The following GALNT17 variants were observed in gnomAD, a reference collection of about 807,000 sequenced individuals.
The protein encoded by GALNT17 is UDP-GalNAc:polypeptide N-acetylgalactosaminyltransferase-like 3.
In GALNT17, 29 loss-of-function variants were observed where a neutral mutation model predicts 63.7. That is an observed-to-expected ratio of 0.46 (90% CI 0.34 to 0.62). The LOEUF is 0.62. Among genes scored for constraint, GALNT17 ranks in the 20% least tolerant of loss-of-function variants. The pLI, the probability that GALNT17 is intolerant of heterozygous loss-of-function variation, is 0.01. For missense variants in GALNT17, 603 were observed against 799.6 expected (o/e 0.75, Z 2.97); for synonymous variants, 305 against 318.3 (o/e 0.96, Z 0.45).
At chr7:71,411,488 G>A (rs543103320) in intron 3 of GALNT17, among the ~76,000 whole-genome samples, 21 of 152,254 alleles carry the variant, frequency 1.4e-4, no homozygotes, top group Non-Finnish European at 2.8e-4. Context: ...TGGGGGCCTT[G>A]TTTTACTTGG....
At chr7:71,162,510 A>G (rs1788368105) in intron 1 of GALNT17, among the ~76,000 whole-genome samples, 1 of 152,134 alleles carries the variant, frequency 6.6e-6, no homozygotes, top group East Asian at 1.9e-4. Context: ...TCCTTGCTCA[A>G]CAATTATTAA....
Position 71,677,196 on chromosome 7 carries a change from T to C in GALNT17, c.1405-15T>C, listed in dbSNP as rs368323632. The stretch of plus-strand genomic sequence containing the variant: ...AGCTGAGCTCTCATGGGTCGTGTTT[T>C]GTCTATTCTTGCAGCTTCGCAACAA... On this transcript the variant is annotated splice_polypyrimidine_tract_variant and intron_variant, in intron 8 of 10. Coordinates refer to ENST00000333538, the MANE Select transcript of GALNT17 (RefSeq NM_022479.3). 1.9e-5 allele frequency: 31 copies of C among 1,613,594 alleles called. No homozygotes were observed. The highest frequency in any genetic ancestry group is 2.6e-5 in the Non-Finnish European group (31 of 1,179,740).
intron 1 of GALNT17, among the ~76,000 whole-genome samples, chr7:71,188,397 T>C (rs1788892074): frequency 6.6e-6 from 1 of 152,210 alleles, no homozygotes; most frequent in African/African-American, 2.4e-5. Flanking sequence ...TCTATTATTT[T>C]GTTACTTTTT....
chr7:71,138,619 A>G (rs1585830972), intron 1 of GALNT17, among the ~76,000 whole-genome samples: 1 of 152,234 alleles, frequency 6.6e-6, no homozygotes, highest in African/African-American at 2.4e-5. Flanking sequence ...TATACAGGAT[A>G]CAATACCATG....
chr7:71,249,136 C>T (rs1790152558), intron 1 of GALNT17, among the ~76,000 whole-genome samples: 1 of 152,186 alleles, frequency 6.6e-6, no homozygotes, highest in Non-Finnish European at 1.5e-5. Context: ...GAGCAAAACT[C>T]ACAGCCAATA....
At chr7:71,233,773 A>G (rs1016772968) in intron 1 of GALNT17, among the ~76,000 whole-genome samples, 1 of 152,110 alleles carries the variant, frequency 6.6e-6, no homozygotes, top group African/African-American at 2.4e-5. Flanking sequence ...CCATTCTCAC[A>G]TTGCTGTAAA....
At chr7:71,174,810 C>T (rs971170646) in intron 1 of GALNT17, among the ~76,000 whole-genome samples, 2 of 152,118 alleles carry the variant, frequency 1.3e-5, no homozygotes, top group African/African-American at 4.8e-5. Flanking sequence ...TTGCTTCAGG[C>T]GATCTGGATG....
intron 2 of GALNT17, among the ~76,000 whole-genome samples, chr7:71,361,449 C>T (rs964255141): frequency 7.9e-5 from 12 of 152,168 alleles, no homozygotes; most frequent in African/African-American, 2.7e-4. Flanking sequence ...ATATTCCTCT[C>T]TGTTCTTTCT....
At chr7:71,436,999 A>G (rs904776900) in intron 5 of GALNT17, among the ~76,000 whole-genome samples, 3 of 152,320 alleles carry the variant, frequency 2.0e-5, no homozygotes, top group East Asian at 3.9e-4. Context: ...AGATGTGTGA[A>G]GAGTCAGCAG....
At chr7:71,339,046 G>A (rs2116112983) in intron 2 of GALNT17, among the ~76,000 whole-genome samples, 1 of 152,210 alleles carries the variant, frequency 6.6e-6, no homozygotes, top group Admixed American at 6.5e-5. Context: ...TCTCTCATTA[G>A]CCTTTCTTAT....
intron 3 of GALNT17, among the ~76,000 whole-genome samples, chr7:71,408,543 C>T (rs1022865980): frequency 6.6e-6 from 1 of 152,082 alleles, no homozygotes; most frequent in Non-Finnish European, 1.5e-5. Flanking sequence ...TGAGATTGCC[C>T]CACGCAGAGG....
intron 1 of GALNT17, among the ~76,000 whole-genome samples, chr7:71,201,626 G>GT (rs35370760): frequency 0.35 from 48,477 of 140,058 alleles, 9,946 homozygotes; most frequent in African/African-American, 0.6. Context: ...TACTTTGCCA[G>GT]TTTTTTTTTT....
chr7:71,513,351 A>G (rs1295552897), intron 5 of GALNT17, among the ~76,000 whole-genome samples: 2 of 151,842 alleles, frequency 1.3e-5, no homozygotes, highest in East Asian at 3.9e-4. Flanking sequence ...CTCATGGCCA[A>G]TCTTCCCTTG....
intron 2 of GALNT17, 37 bp downstream of exon 2, chr7:71,335,770 G>A (rs1201076721): frequency 1.9e-6 from 3 of 1,546,068 alleles, no homozygotes; most frequent in Non-Finnish European, 2.6e-6. Context: ...AGCTTGATGG[G>A]TCGTCAGAGT....
intron 5 of GALNT17, among the ~76,000 whole-genome samples, chr7:71,505,176 G>A (rs529671442): frequency 2.6e-5 from 4 of 152,002 alleles, no homozygotes; most frequent in Non-Finnish European, 4.4e-5. Flanking sequence ...CTTCCACCTC[G>A]TGGCCTTCCT....
chr7:71,148,386 GAA>G (rs1788063277), intron 1 of GALNT17, among the ~76,000 whole-genome samples: 1 of 152,168 alleles, frequency 6.6e-6, no homozygotes, highest in Admixed American at 6.5e-5. Context: ...ACTCAGGAAA[GAA>G]AATGTTTTCC....
intron 2 of GALNT17, among the ~76,000 whole-genome samples, chr7:71,365,356 C>T (rs1170309550): frequency 6.6e-6 from 1 of 152,240 alleles, no homozygotes; most frequent in Non-Finnish European, 1.5e-5. Context: ...TCTCCTGTTT[C>T]AGCCTCCTGA....
intron 6 of GALNT17, among the ~76,000 whole-genome samples, chr7:71,592,732 G>A (rs1473612188): frequency 6.6e-6 from 1 of 152,006 alleles, no homozygotes; most frequent in Non-Finnish European, 1.5e-5. Context: ...TTCTGCTGGG[G>A]GCTCCCCCTG....
chr7:71,322,960 G>T (rs1255653492), intron 1 of GALNT17, among the ~76,000 whole-genome samples: 2 of 152,138 alleles, frequency 1.3e-5, no homozygotes, highest in Non-Finnish European at 2.9e-5. Context: ...CCCCTAGCTG[G>T]CTGAGATACT....
Sources: allele counts gnomAD v4.1 joint callset (sites outside exome capture counted in the v4.1 genomes callset), GRCh38; gene constraint gnomAD v4.1.1; transcripts MANE v1.5; gene names NCBI Gene and HGNC (gene_info 2026-07-23, HGNC 2026-07-21).